Variants in TANC2 observed in about 807,000 individuals in gnomAD.
TANC2 encodes the protein tetratricopeptide repeat, ankyrin repeat and coiled-coil containing 2.
A neutral mutation model predicts 210.5 loss-of-function variants in TANC2; 26 were observed. The ratio of observed to expected loss-of-function variants is 0.12; its 90% CI spans 0.09 to 0.17. The LOEUF is 0.17. TANC2 is among the 10% of genes least tolerant of loss of function. The pLI is 1.00. For missense variants in TANC2, 2,129 were observed against 2,608.9 expected, an observed-to-expected ratio of 0.82 and a Z score of 4.01; for synonymous variants, 931 against 967.1, an observed-to-expected ratio of 0.96 and a Z score of 0.69.
chr17:63,076,182 G>A (rs1252636004), intron 3 of TANC2, among the ~76,000 whole-genome samples: 1 of 152,098 alleles, frequency 6.6e-6, no homozygotes, highest in South Asian at 2.1e-4. Context: ...CAGTCAGCTG[G>A]GCAAATGCTG....
intron 3 of TANC2, among the ~76,000 whole-genome samples, chr17:63,096,515 G>A (rs1175425588): frequency 6.6e-6 from 1 of 152,140 alleles, no homozygotes. Flanking sequence ...GTGGTCTTTT[G>A]TGTCTGGCTT....
chr17:63,392,470 G>A (rs1371062164), intron 17 of TANC2, among the ~76,000 whole-genome samples: 1 of 152,104 alleles, frequency 6.6e-6, no homozygotes, highest in African/African-American at 2.4e-5. Context: ...TTAGTGGCCA[G>A]CACTTTTCAA....
intron 5 of TANC2, among the ~76,000 whole-genome samples, chr17:63,156,686 A>T (rs1178197026): frequency 6.6e-6 from 1 of 152,154 alleles, no homozygotes; most frequent in Non-Finnish European, 1.5e-5. Flanking sequence ...TTCTTCCCCA[A>T]ACTTTCCTAT....
chr17:63,324,047 T>G (rs1371917294), intron 11 of TANC2, among the ~76,000 whole-genome samples: 3 of 152,192 alleles, frequency 2.0e-5, no homozygotes, highest in Non-Finnish European at 4.4e-5. Flanking sequence ...TCATTTAAGG[T>G]GGCTTCACAG....
At chr17:63,039,671 C>T (rs2035106548) in intron 2 of TANC2, among the ~76,000 whole-genome samples, 1 of 152,142 alleles carries the variant, frequency 6.6e-6, no homozygotes, top group Non-Finnish European at 1.5e-5. Context: ...GAGTTTGCTA[C>T]AGTGAACAGG....
intron 7 of TANC2, among the ~76,000 whole-genome samples, chr17:63,224,812 T>C (rs2042287787): frequency 6.6e-6 from 1 of 152,168 alleles, no homozygotes; most frequent in African/African-American, 2.4e-5. Context: ...ATTGGTCTTA[T>C]GTGGTAGTCC....
chr17:62,979,442 C>T (rs972223898), intron 1 of TANC2, among the ~76,000 whole-genome samples: 6 of 152,136 alleles, frequency 3.9e-5, no homozygotes, highest in African/African-American at 1.4e-4. Flanking sequence ...TATTCTACTC[C>T]TATTCTCTCA....
At chr17:63,215,129 A>T (rs2041991455) in intron 7 of TANC2, among the ~76,000 whole-genome samples, 1 of 152,356 alleles carries the variant, frequency 6.6e-6, no homozygotes, top group South Asian at 2.1e-4. Context: ...TTTCATAATG[A>T]TGAATGGATC....
intron 5 of TANC2, among the ~76,000 whole-genome samples, chr17:63,172,383 T>C (rs1209265451): frequency 6.6e-6 from 1 of 152,050 alleles, no homozygotes; most frequent in Non-Finnish European, 1.5e-5. Flanking sequence ...GGTTTCACCA[T>C]GTTGGCCAGG....
At chr17:63,358,204 T>C (rs554482405) in intron 14 of TANC2, among the ~76,000 whole-genome samples, 2 of 152,166 alleles carry the variant, frequency 1.3e-5, no homozygotes, top group Non-Finnish European at 2.9e-5. Context: ...ACAGCTGAGA[T>C]TGAGTTTTCA....
intron 2 of TANC2, among the ~76,000 whole-genome samples, chr17:63,064,669 A>G (rs2036130160): frequency 6.6e-6 from 1 of 151,984 alleles, no homozygotes; most frequent in Non-Finnish European, 1.5e-5. Context: ...TCCTTTTCAA[A>G]TGGTTGGAAT....
intron 9 of TANC2, among the ~76,000 whole-genome samples, chr17:63,279,960 T>G (rs974730930): frequency 5.3e-5 from 8 of 152,030 alleles, no homozygotes; most frequent in Non-Finnish European, 2.9e-5. Flanking sequence ...TGGGGAGAAA[T>G]GAAGTGGCAA....
intron 1 of TANC2, among the ~76,000 whole-genome samples, chr17:62,982,818 T>C (rs1410405874): frequency 6.6e-6 from 1 of 152,224 alleles, no homozygotes; most frequent in Non-Finnish European, 1.5e-5. Context: ...TCCACTGGTC[T>C]ATGTGTCTGT....
intron 3 of TANC2, among the ~76,000 whole-genome samples, chr17:63,080,759 A>G (rs563469530): frequency 1.3e-5 from 2 of 152,308 alleles, no homozygotes; most frequent in African/African-American, 2.4e-5. Flanking sequence ...GTAGAGTGAC[A>G]AGGAAATTAT....
At chr17:63,395,349 T>C (rs1211266165) in intron 17 of TANC2, among the ~76,000 whole-genome samples, 3 of 152,238 alleles carry the variant, frequency 2.0e-5, no homozygotes, top group Non-Finnish European at 2.9e-5. Context: ...TTTCTTCCCT[T>C]TTTTGATTTC....
At chr17:63,192,141 T>C (rs547515509) in intron 5 of TANC2, among the ~76,000 whole-genome samples, 52 of 152,352 alleles carry the variant, frequency 3.4e-4, no homozygotes, top group African/African-American at 1.2e-3. Context: ...TAACCTGGTA[T>C]CGGATTTCTT....
At chr17:63,331,776 C>T (rs1393184623) in intron 11 of TANC2, among the ~76,000 whole-genome samples, 1 of 151,766 alleles carries the variant, frequency 6.6e-6, no homozygotes, top group Non-Finnish European at 1.5e-5. Flanking sequence ...AACCAAACAA[C>T]CTTGTACAGA....
At chr17:63,424,120 T>C (rs2049088583) in exon 28 of TANC2, 1 of 152,250 alleles carries the variant, frequency 6.6e-6, no homozygotes, top group Admixed American at 6.5e-5. Context: ...AAAGTGCTCC[T>C]GCTCATTTGG....
intron 9 of TANC2, among the ~76,000 whole-genome samples, chr17:63,309,506 A>T (rs529878234): frequency 3.3e-5 from 5 of 152,306 alleles, no homozygotes; most frequent in African/African-American, 1.2e-4. Flanking sequence ...CTGGGTTTTT[A>T]AAATATGACA....
Sources: gnomAD v4.1 joint callset for allele counts (sites outside exome capture counted in the v4.1 genomes callset) on GRCh38, gnomAD v4.1.1 for gene constraint, MANE v1.5 for transcripts, NCBI Gene and HGNC (gene_info 2026-07-23, HGNC 2026-07-21) for gene names.